The following NPY1R variants were observed in gnomAD, a reference collection of about 807,000 sequenced individuals.
The protein encoded by NPY1R is neuropeptide Y receptor Y1, also known as neuropeptide Y receptor type 1.
NPY1R carries 10 observed loss-of-function variants against 24.1 expected under a neutral mutation model. That is an observed-to-expected ratio of 0.42 (90% CI 0.26 to 0.71). The LOEUF is 0.71. Among genes scored for constraint, NPY1R ranks in the 30% least tolerant of loss-of-function variants. The pLI is 0.28. For missense variants in NPY1R, 350 were observed against 458.0 expected, an observed-to-expected ratio of 0.76 and a Z score of 2.15; for synonymous variants, 168 against 165.9, an observed-to-expected ratio of 1.01 and a Z score of -0.10.
upstream of NPY1R, among the ~76,000 whole-genome samples, chr4:163,337,164 A>T (rs983945833): frequency 1.3e-5 from 2 of 152,186 alleles, no homozygotes; most frequent in Non-Finnish European, 2.9e-5. Context: ...GAGTACACAC[A>T]TCTAAGGATG....
intron 1 of NPY1R, among the ~76,000 whole-genome samples, chr4:163,329,326 C>T (rs373716315): frequency 1.6e-4 from 24 of 152,116 alleles, no homozygotes; most frequent in African/African-American, 3.6e-4. Context: ...GGACTGGGGC[C>T]GGGCGAGGTG....
At chr4:163,328,473 T>C (rs1006951825) in intron 1 of NPY1R, among the ~76,000 whole-genome samples, 3 of 152,236 alleles carry the variant, frequency 2.0e-5, no homozygotes, top group Non-Finnish European at 4.4e-5. Context: ...ACATGACTTA[T>C]CAATTAATTA....
intron 1 of NPY1R, among the ~76,000 whole-genome samples, chr4:163,338,798 C>T (rs1734907860): frequency 6.6e-6 from 1 of 152,152 alleles, no homozygotes; most frequent in African/African-American, 2.4e-5. Context: ...GTACAGATCC[C>T]TCTCAGGTTT....
intron 1 of NPY1R, among the ~76,000 whole-genome samples, chr4:163,342,266 G>C (rs1735004940): frequency 1.3e-5 from 2 of 152,192 alleles, no homozygotes; most frequent in Non-Finnish European, 2.9e-5. Flanking sequence ...CTGTAGCATA[G>C]ACTAGTGTTT....
chr4:163,334,579 T>A (rs1184111233), upstream of NPY1R, among the ~76,000 whole-genome samples: 1 of 152,188 alleles, frequency 6.6e-6, no homozygotes. Context: ...TACTCAACAG[T>A]GGCTGGGGGC....
At position 163,325,129 on chromosome 4, in the gene NPY1R, C is replaced by T; in HGVS notation, c.*174G>A. On this transcript the variant is annotated 3_prime_UTR_variant, in exon 3 of 3. Transcript: ENST00000296533. Reference sequence around the variant, plus strand: ...GACCCCAAAGCCCACACCTTTTGTTCCAAATGTAATTATGACAACTACAAC... The same window carrying T: ...GACCCCAAAGCCCACACCTTTTGTTTCAAATGTAATTATGACAACTACAAC... The T allele has an allele frequency of 1.7e-6, 1 of 594,756 alleles. No individual in the cohort carries two copies. Among genetic ancestry groups the T allele is most frequent in the Non-Finnish European group, 2.9e-6 (1 of 341,442 alleles). The allele number at this position is 594,756 out of a possible 1,614,324, so 36.8% of individuals were successfully genotyped here.
chr4:163,336,227 A>C (rs1211546640), upstream of NPY1R, among the ~76,000 whole-genome samples: 1 of 152,210 alleles, frequency 6.6e-6, no homozygotes, highest in Non-Finnish European at 1.5e-5. Context: ...CTAGACAAGT[A>C]GGATCTTAAA....
chr4:163,341,388 G>A, intron 1 of NPY1R, among the ~76,000 whole-genome samples: 1 of 152,178 alleles, frequency 6.6e-6, no homozygotes, highest in African/African-American at 2.4e-5. Flanking sequence ...ACCTCTACTT[G>A]TTCTATAACT....
intron 1 of NPY1R, among the ~76,000 whole-genome samples, chr4:163,332,072 G>A (rs1363324274): frequency 6.6e-6 from 1 of 152,216 alleles, no homozygotes; most frequent in East Asian, 1.9e-4. Context: ...ACTCCGGTGC[G>A]GCCAGAGCCA....
upstream of NPY1R, among the ~76,000 whole-genome samples, chr4:163,336,748 G>A (rs1354023935): frequency 6.6e-6 from 1 of 152,168 alleles, no homozygotes; most frequent in Admixed American, 6.5e-5. Context: ...ATCACCTGAG[G>A]TCAGGAGTTC....
upstream of NPY1R, among the ~76,000 whole-genome samples, chr4:163,337,370 T>G (rs574868363): frequency 3.9e-5 from 6 of 152,328 alleles, no homozygotes; most frequent in African/African-American, 1.4e-4. Context: ...TAGAAGCTAT[T>G]TTGAAATTCC....
At position 163,339,379 on chromosome 4, in the gene NPY1R, A is replaced by G. The variant is rs191416155; in HGVS notation, c.-152+4926T>C. ...TTTTAAGAATGAATTACCCAGGAAT[A>G]TAAATAAGAAATAAACCTAGAGTTT... On this transcript the variant is annotated intron_variant, in intron 1 of 1. Coordinates refer to the NPY1R transcript ENST00000511901. Among the ~76,000 whole-genome samples the G allele has an allele frequency of 3.9e-4, 60 of 152,326 alleles. No homozygotes were observed. The South Asian group carries it at 7.0e-3, about 18-fold the overall frequency.
In NPY1R at chr4:163,325,569, T is replaced by C. The variant is rs531802024; in HGVS notation, c.889A>G (p.Asn297Asp). Residue 297 changes from asparagine to aspartate, a missense_variant, in exon 3 of 3, where the codon AAC (asparagine) becomes GAC (aspartate). Transcript: ENST00000296533. The stretch of plus-strand genomic sequence containing the variant: ...CAGAGCAGGAATAACAGATTGTGGT[T>C]GCAGGTAGCAATGATCTGATGATTC... ...DWNHQIIATC[N>D]HNLLFLLCHL... is the part of the protein sequence containing the mutation. 6.2e-7 allele frequency: 1 copy of C among 1,614,064 alleles called. No homozygotes were observed. Among genetic ancestry groups the C allele is most frequent in the Non-Finnish European group, 8.5e-7 (1 of 1,179,984 alleles).
upstream of NPY1R, among the ~76,000 whole-genome samples, chr4:163,336,992 GTT>G (rs10710696): frequency 3.2e-4 from 48 of 150,744 alleles, no homozygotes; most frequent in Non-Finnish European, 5.9e-4. Flanking sequence ...AGGAGAAAGT[GTT>G]TTTTTTTTGT....
chr4:163,332,040 C>T (rs921400720), intron 1 of NPY1R, among the ~76,000 whole-genome samples: 19 of 152,346 alleles, frequency 1.2e-4, no homozygotes, highest in African/African-American at 4.3e-4. Context: ...TCCGGCTCAT[C>T]CCAGCCAGTT....
intron 1 of NPY1R, among the ~76,000 whole-genome samples, chr4:163,339,598 G>T (rs994945540): frequency 6.6e-6 from 1 of 151,810 alleles, no homozygotes; most frequent in Non-Finnish European, 1.5e-5. Flanking sequence ...CTAGGAATAG[G>T]GTAGGACTAC....
Position 163,324,362 on chromosome 4 carries a change from T to C in NPY1R, c.*941A>G, listed in dbSNP as rs1303460784. 6.6e-6 allele frequency: 1 copy of C among 152,632 alleles called. No individual in the cohort carries two copies. Among genetic ancestry groups the C allele is most frequent in the African/African-American group, 2.4e-5 (1 of 41,470 alleles). The allele number at this position is 152,632 out of a possible 1,614,324, so 9.5% of individuals were successfully genotyped here. On this transcript the variant is annotated 3_prime_UTR_variant, in exon 3 of 3. Coordinates refer to ENST00000296533, the MANE Select transcript of NPY1R (RefSeq NM_000909.6). The stretch of plus-strand genomic sequence containing the variant: ...AAATCAGTCACTATATAGGCACTGC[T>C]GTATGGAAAACGCATTTTGTGTTTC...
upstream of NPY1R, among the ~76,000 whole-genome samples, chr4:163,336,038 T>C (rs1734833144): frequency 6.6e-6 from 1 of 152,206 alleles, no homozygotes; most frequent in Non-Finnish European, 1.5e-5. Flanking sequence ...GTTAAAAATG[T>C]GAGTATACAA....
chr4:163,331,051 G>C (rs1263992209), intron 1 of NPY1R: 2 of 152,236 alleles, frequency 1.3e-5, no homozygotes, highest in Non-Finnish European at 2.9e-5. Flanking sequence ...TAGTAGTCAC[G>C]GAAGAGCACT....
Sources: allele counts gnomAD v4.1 joint callset (sites outside exome capture counted in the v4.1 genomes callset), GRCh38; gene constraint gnomAD v4.1.1; transcripts MANE v1.5; gene names NCBI Gene and HGNC (gene_info 2026-07-23, HGNC 2026-07-21).